The following SULF1 variants were observed in gnomAD, a reference collection of about 807,000 sequenced individuals.
SULF1 encodes the protein extracellular sulfatase Sulf-1.
In SULF1, 46 loss-of-function variants were observed where a neutral mutation model predicts 110.5. The ratio of observed to expected loss-of-function variants is 0.42; its 90% CI spans 0.33 to 0.53. SULF1 has a LOEUF of 0.53. SULF1 is among the 20% of genes least tolerant of loss of function. The pLI is 0.12. For missense variants in SULF1, 941 were observed against 1,094.2 expected, an observed-to-expected ratio of 0.86 and a Z score of 1.98; for synonymous variants, 371 against 387.1, an observed-to-expected ratio of 0.96 and a Z score of 0.49.
intron 6 of SULF1, among the ~76,000 whole-genome samples, chr8:69,579,030 G>A (rs549053641): frequency 2.3e-4 from 35 of 151,886 alleles, no homozygotes; most frequent in Non-Finnish European, 4.6e-4. Context: ...GCGTGGTGGC[G>A]GACGCCTGTA....
At chr8:69,547,311 G>A (rs1395834170) in intron 3 of SULF1, among the ~76,000 whole-genome samples, 1 of 152,092 alleles carries the variant, frequency 6.6e-6, no homozygotes, top group Non-Finnish European at 1.5e-5. Context: ...AACACAGAAG[G>A]AATCATTTTA....
chr8:69,591,281 G>A lies in SULF1; in HGVS notation c.734+2140G>A, dbSNP rs142333041. Among the ~76,000 whole-genome samples, 1,023 of 152,188 alleles carry A rather than the reference G, an allele frequency of 6.7e-3. 16 individuals carry two copies. Among genetic ancestry groups the A allele is most frequent in the African/African-American group, 0.023 (961 of 41,512 alleles). On this transcript the variant is annotated intron_variant, in intron 8 of 22. Coordinates refer to ENST00000402687, the MANE Select transcript of SULF1 (RefSeq NM_001128205.2). ...AAAAACATCTCTGTGCTGGCCAGGC[G>A]CGGTGGCTCACGCCTGTAATCTCAG...
At chr8:69,502,683 T>TCTTTTTC (rs1563474542) in intron 3 of SULF1, among the ~76,000 whole-genome samples, 4 of 124,422 alleles carry the variant, frequency 3.2e-5, no homozygotes, top group Admixed American at 7.9e-5. Context: ...TCTTTTTCTT[T>TCTTTTTC]TTTTTTCTTT....
At chr8:69,635,323 A>G (rs1777404269) in intron 19 of SULF1, among the ~76,000 whole-genome samples, 1 of 152,246 alleles carries the variant, frequency 6.6e-6, no homozygotes, top group Admixed American at 6.5e-5. Flanking sequence ...ATGTCTCAAT[A>G]TAGGCTCATT....
chr8:69,492,540 T>A (rs1809994457), upstream of SULF1, among the ~76,000 whole-genome samples: 1 of 152,160 alleles, frequency 6.6e-6, no homozygotes. Context: ...AGGCAGCTAC[T>A]GTGTCGGGTG....
chr8:69,487,313 T>C (rs780964929), intron 1 of SULF1, among the ~76,000 whole-genome samples: 1 of 152,236 alleles, frequency 6.6e-6, no homozygotes, highest in African/African-American at 2.4e-5. Context: ...TCCCCTTGAA[T>C]AGAAATGAGC....
chr8:69,526,671 G>T (rs1586308137), intron 3 of SULF1, among the ~76,000 whole-genome samples: 1 of 151,910 alleles, frequency 6.6e-6, no homozygotes, highest in African/African-American at 2.4e-5. Flanking sequence ...TGTGCCTGTA[G>T]TCCCAGCTAC....
intron 8 of SULF1, among the ~76,000 whole-genome samples, chr8:69,600,328 T>G (rs1807698829): frequency 6.6e-6 from 1 of 152,214 alleles, no homozygotes; most frequent in Non-Finnish European, 1.5e-5. Flanking sequence ...CTTACACATT[T>G]TATTCAGTGA....
At chr8:69,466,927 C>T (rs1456150677) in exon 1 of SULF1, 1 of 152,126 alleles carries the variant, frequency 6.6e-6, no homozygotes, top group Non-Finnish European at 1.5e-5. Context: ...TCAGCAGACA[C>T]AAGAAAAGCA....
At position 69,627,212 on chromosome 8, in the gene SULF1, G is replaced by A; in HGVS notation, c.1853G>A (p.Cys618Tyr). ...CATGGTTTTGGTTTGTTTTGCAGGTGTTTTATTCTTCCCAATGACTCTATC... is the reference window on the plus strand; with the variant it reads ...CATGGTTTTGGTTTGTTTTGCAGGTATTTTATTCTTCCCAATGACTCTATC... ...PPTTVRVTHK[C>Y]FILPNDSIHC... is the part of the protein sequence containing the mutation. The change falls in exon 16 of 23, where the codon TGT (cysteine) becomes TAT (tyrosine). Residue 618 changes from cysteine (C) to tyrosine (Y), a missense_variant and splice_region_variant. Around this residue, in one of 3 missense-constraint regions of SULF1, gnomAD observed 822 missense variants for 934.3 expected, o/e 0.88. Coordinates refer to ENST00000402687, the MANE Select transcript of SULF1 (RefSeq NM_001128205.2). 1 of 1,613,526 alleles carries A rather than the reference G, an allele frequency of 6.2e-7. No individual in the cohort carries two copies. Among genetic ancestry groups the A allele is most frequent in the Non-Finnish European group, 8.5e-7 (1 of 1,179,472 alleles).
chr8:69,506,394 T>G (rs1227375483), intron 3 of SULF1, among the ~76,000 whole-genome samples: 1 of 152,242 alleles, frequency 6.6e-6, no homozygotes, highest in Non-Finnish European at 1.5e-5. Context: ...AATGCAAATC[T>G]AAGTGATAAG....
At chr8:69,555,033 C>A (rs1815013197) in intron 3 of SULF1, among the ~76,000 whole-genome samples, 1 of 144,288 alleles carries the variant, frequency 6.9e-6, no homozygotes, top group Non-Finnish European at 1.5e-5. Flanking sequence ...AACTGATCTG[C>A]ATTTTAAAGT....
At chr8:69,535,457 C>T (rs1813372114) in intron 3 of SULF1, among the ~76,000 whole-genome samples, 4 of 151,170 alleles carry the variant, frequency 2.6e-5, no homozygotes, top group South Asian at 4.2e-4. Flanking sequence ...GGAGGAGGTG[C>T]AACTATTCCT....
chr8:69,490,165 C>T (rs1809874292), upstream of SULF1, among the ~76,000 whole-genome samples: 1 of 147,194 alleles, frequency 6.8e-6, no homozygotes, highest in African/African-American at 2.5e-5. Context: ...TGCAGTGGCA[C>T]AATCTGGGCT....
At chr8:69,606,368 T>G (rs1040245998) in intron 13 of SULF1, among the ~76,000 whole-genome samples, 22 of 152,244 alleles carry the variant, frequency 1.4e-4, no homozygotes, top group Admixed American at 5.9e-4. Context: ...CAAATCTTTC[T>G]TATGAAACCT....
chr8:69,567,943 G>A (rs138254231), intron 5 of SULF1, among the ~76,000 whole-genome samples: 15 of 152,210 alleles, frequency 9.9e-5, no homozygotes, highest in East Asian at 5.8e-4. Flanking sequence ...ACCTTGTTAC[G>A]TTCCCTCCAA....
chr8:69,480,543 T>C (rs1326242787), intron 1 of SULF1, among the ~76,000 whole-genome samples: 1 of 152,192 alleles, frequency 6.6e-6, no homozygotes, highest in African/African-American at 2.4e-5. Context: ...AAGAGAAGTA[T>C]ATGAGCAATA....
intron 18 of SULF1, among the ~76,000 whole-genome samples, chr8:69,628,946 C>T (rs1360596184): frequency 6.6e-6 from 1 of 152,148 alleles, no homozygotes; most frequent in African/African-American, 2.4e-5. Flanking sequence ...TCGATGTTTC[C>T]ATGCACATGA....
intron 13 of SULF1, among the ~76,000 whole-genome samples, chr8:69,620,590 C>T (rs1006160520): frequency 6.6e-6 from 1 of 152,196 alleles, no homozygotes; most frequent in Admixed American, 6.5e-5. Flanking sequence ...CCTCATGTGC[C>T]ATTCTTCCCT....
Sources: allele counts gnomAD v4.1 joint callset (sites outside exome capture counted in the v4.1 genomes callset), GRCh38; gene constraint gnomAD v4.1.1; regional missense constraint gnomAD v4.1.1; transcripts MANE v1.5; gene names NCBI Gene and HGNC (gene_info 2026-07-23, HGNC 2026-07-21).